The following FBN2 variants were observed in gnomAD, a reference collection of about 807,000 sequenced individuals.
FBN2 encodes the protein fibrillin 2.
A neutral mutation model predicts 355.6 loss-of-function variants in FBN2; 105 were observed. The ratio of observed to expected loss-of-function variants is 0.30; its 90% CI spans 0.25 to 0.35. The LOEUF is 0.35. Ranked by LOEUF, FBN2 falls within the 10% of genes least tolerant of loss-of-function variation. The pLI is 1.00. For missense variants in FBN2, 3,280 were observed against 3,758.7 expected, an observed-to-expected ratio of 0.87 and a Z score of 3.33; for synonymous variants, 1,350 against 1,301.2, an observed-to-expected ratio of 1.04 and a Z score of -0.81.
At chr5:128,470,189 A>G (rs1754820136) in intron 5 of FBN2, among the ~76,000 whole-genome samples, 1 of 152,196 alleles carries the variant, frequency 6.6e-6, no homozygotes, top group African/African-American at 2.4e-5. Context: ...AGGACATAGG[A>G]AGCACATGCT....
At chr5:128,336,355 C>T (rs554569267) in intron 27 of FBN2, among the ~76,000 whole-genome samples, 1 of 152,302 alleles carries the variant, frequency 6.6e-6, no homozygotes, top group Non-Finnish European at 1.5e-5. Context: ...TAATACACAG[C>T]TGCATGTGCT....
intron 7 of FBN2, among the ~76,000 whole-genome samples, chr5:128,439,708 T>TC (rs1753866417): frequency 6.6e-6 from 1 of 152,056 alleles, no homozygotes; most frequent in African/African-American, 2.4e-5. Flanking sequence ...AATTTTTTTT[T>TC]CTTTTATTGC....
Position 128,344,528 on chromosome 5 carries a change from C to T in FBN2, c.3218-18G>A, listed in dbSNP as rs1463904549. On this transcript the variant is annotated intron_variant, in intron 24 of 64. Coordinates refer to ENST00000262464, the MANE Select transcript of FBN2 (RefSeq NM_001999.4). ...ATTGATGTCTAAAAGCAGAATGAAG[C>T]CAGAATGTAGAGCCGGTTGATATAA... The T allele has an allele frequency of 6.2e-7, 1 of 1,612,722 alleles. No homozygotes were observed. The highest frequency in any genetic ancestry group is 1.7e-5 in the Admixed American group (1 of 59,990).
chr5:128,476,361 A>C (rs1581329591), intron 5 of FBN2, among the ~76,000 whole-genome samples: 1 of 152,172 alleles, frequency 6.6e-6, no homozygotes, highest in Non-Finnish European at 1.5e-5. Flanking sequence ...TGACTAAAAT[A>C]ACAAAACTCA....
chr5:128,404,883 C>T (rs10463844), intron 8 of FBN2, among the ~76,000 whole-genome samples: 19,370 of 152,132 alleles, frequency 0.13, 2,163 homozygotes, highest in East Asian at 0.69. Flanking sequence ...CAAAGAAAAG[C>T]GATACTGGCC....
intron 19 of FBN2, among the ~76,000 whole-genome samples, chr5:128,361,368 A>G: frequency 6.6e-6 from 1 of 152,222 alleles, no homozygotes. Context: ...AGGTTCCTAC[A>G]TTAATGGATC....
At chr5:128,294,488 C>T (rs1282028038) in intron 48 of FBN2, among the ~76,000 whole-genome samples, 1 of 151,970 alleles carries the variant, frequency 6.6e-6, no homozygotes, top group African/African-American at 2.4e-5. Flanking sequence ...TCCACATCCT[C>T]CCCAGCACCT....
chr5:128,380,347 G>T (rs763337197), intron 11 of FBN2, among the ~76,000 whole-genome samples: 1 of 152,018 alleles, frequency 6.6e-6, no homozygotes, highest in Non-Finnish European at 1.5e-5. Flanking sequence ...ATGTGTTGTA[G>T]CTGTTATCTT....
rs544592454 is a variant in FBN2, at chr5:128,506,118, GT to G, written c.628+13154del. Among the ~76,000 whole-genome samples, 29 of 152,230 alleles carry G rather than the reference GT, an allele frequency of 1.9e-4. No homozygotes were observed. In the East Asian group the frequency reaches 5.6e-3, roughly 29 times the overall value. Reference sequence around the variant, plus strand: ...GCATACAGTAGAATGACATCTCATTGTGATTTTAGTTTGCATTTCCCTAATG... The same window carrying G: ...GCATACAGTAGAATGACATCTCATTGGATTTTAGTTTGCATTTCCCTAATG... On this transcript the variant is annotated intron_variant, in intron 5 of 64. Transcript: ENST00000262464.
intron 3 of FBN2, among the ~76,000 whole-genome samples, chr5:128,528,813 C>A (rs1344393650): frequency 6.6e-6 from 1 of 152,170 alleles, no homozygotes; most frequent in Non-Finnish European, 1.5e-5. Flanking sequence ...AAAGATTACT[C>A]TAGCTGCTCT....
At chr5:128,339,165 A>T (rs999001448) in intron 25 of FBN2, 104 bp from the exon 26 acceptor site, 7 of 1,176,246 alleles carry the variant, frequency 6.0e-6, no homozygotes, top group Non-Finnish European at 8.9e-6. Flanking sequence ...TTGCTGGCTA[A>T]CAGTACAAGG....
intron 48 of FBN2, among the ~76,000 whole-genome samples, chr5:128,293,851 T>C (rs987636084): frequency 2.0e-5 from 3 of 152,012 alleles, no homozygotes; most frequent in Non-Finnish European, 4.4e-5. Flanking sequence ...TAATTAATTA[T>C]TATACTTTAA....
rs187048056 is a variant in FBN2 at position 128,385,278 on chromosome 5, G to C, written c.1604-6388C>G. Among the ~76,000 whole-genome samples, 124 of 152,146 alleles carry C rather than the reference G, an allele frequency of 8.2e-4. 2 individuals are homozygous for C. In the East Asian group the frequency reaches 0.02, roughly 25 times the overall value. Reference sequence around the variant, plus strand: ...TGTGTTCACATGTACTGAATGTTTAGCTACCACTTACAAATGAGAACATAT... The same window carrying C: ...TGTGTTCACATGTACTGAATGTTTACCTACCACTTACAAATGAGAACATAT... On this transcript the variant is annotated intron_variant, in intron 11 of 64. Coordinates refer to ENST00000262464, the MANE Select transcript of FBN2 (RefSeq NM_001999.4).
chr5:128,298,222 G>A (rs1157772418), intron 48 of FBN2, among the ~76,000 whole-genome samples: 1 of 152,012 alleles, frequency 6.6e-6, no homozygotes, highest in Admixed American at 6.5e-5. Context: ...AGTCTGATGG[G>A]CTTCCCTTTG....
At chr5:128,362,269 T>C (rs911355270) in intron 18 of FBN2, among the ~76,000 whole-genome samples, 1 of 152,252 alleles carries the variant, frequency 6.6e-6, no homozygotes, top group African/African-American at 2.4e-5. Flanking sequence ...AAGAATGCCT[T>C]ATGTCTTCAT....
chr5:128,305,887 A>C lies in FBN2; in HGVS notation c.5484T>G (p.Ile1828Met). ...ICANGVCINQ[I>M]GSFRCECPTG... Reference sequence around the variant, plus strand: ...TAGGGCATTCACAGCGGAAACTGCCAATCTGGTTAATGCACACACCATTTG... The same window carrying C: ...TAGGGCATTCACAGCGGAAACTGCCCATCTGGTTAATGCACACACCATTTG... The change falls in exon 43 of 65, where the codon ATT (isoleucine) becomes ATG (methionine). Residue 1828 changes from isoleucine to methionine, a missense_variant. Coordinates refer to ENST00000262464, the MANE Select transcript of FBN2 (RefSeq NM_001999.4). The C allele has an allele frequency of 3.1e-6, 5 of 1,613,856 alleles. No individual in the cohort carries two copies. The highest frequency in any genetic ancestry group is 4.2e-6 in the Non-Finnish European group (5 of 1,179,736).
intron 5 of FBN2, among the ~76,000 whole-genome samples, chr5:128,468,256 G>A (rs1754767005): frequency 1.3e-5 from 2 of 152,110 alleles, no homozygotes; most frequent in Admixed American, 1.3e-4. Context: ...CCATACAGTA[G>A]CATGGATCAA....
At chr5:128,455,488 T>C (rs1754355476) in intron 6 of FBN2, among the ~76,000 whole-genome samples, 1 of 152,092 alleles carries the variant, frequency 6.6e-6, no homozygotes, top group Non-Finnish European at 1.5e-5. Context: ...AATGTTAGCA[T>C]GGCAACAGTT....
intron 5 of FBN2, among the ~76,000 whole-genome samples, chr5:128,489,141 C>T (rs1223156949): frequency 6.6e-6 from 1 of 150,702 alleles, no homozygotes; most frequent in African/African-American, 2.5e-5. Context: ...TTCCTATTCT[C>T]CACATCCTCT....
Sources: allele counts gnomAD v4.1 joint callset (sites outside exome capture counted in the v4.1 genomes callset), GRCh38; gene constraint gnomAD v4.1.1; transcripts MANE v1.5; gene names NCBI Gene and HGNC (gene_info 2026-07-23, HGNC 2026-07-21).